COL4A5: variants seen among roughly 807,000 people sequenced by gnomAD.
COL4A5 encodes collagen alpha-5(IV) chain.
A neutral mutation model predicts 130.2 loss-of-function variants in COL4A5; 26 were observed. The observed-to-expected ratio is 0.20, with a 90% CI of 0.15 to 0.28. The LOEUF is 0.28. COL4A5 is among the 10% of genes least tolerant of loss of function. COL4A5 has a pLI of 1.00. For missense variants in COL4A5, 1,131 were observed against 1,344.3 expected, an observed-to-expected ratio of 0.84 and a Z score of 2.48; for synonymous variants, 496 against 439.6, an observed-to-expected ratio of 1.13 and a Z score of -1.60.
chrX:108,600,400 C>A (rs1489218410), intron 25 of COL4A5, among the ~76,000 whole-genome samples: 1 of 110,163 alleles, frequency 9.1e-6, no homozygotes, highest in Non-Finnish European at 1.9e-5. Flanking sequence ...TTTAGGAAAT[C>A]TTTTTTTTCT....
chrX:108,631,959 G>T (rs892572680), intron 36 of COL4A5, among the ~76,000 whole-genome samples: 36 of 110,465 alleles, frequency 3.3e-4, no homozygotes, highest in Non-Finnish European at 6.4e-4. Flanking sequence ...CTAGCAGAAG[G>T]CAGGAAATAA....
At chrX:108,472,861 T>C (rs931694573) in intron 1 of COL4A5, among the ~76,000 whole-genome samples, 1 of 112,083 alleles carries the variant, frequency 8.9e-6, no homozygotes, top group African/African-American at 3.2e-5. Flanking sequence ...TTTTCCAAAA[T>C]GGCTGTACTA....
At chrX:108,658,343 G>T (rs1255037450) in intron 37 of COL4A5, among the ~76,000 whole-genome samples, 1 of 110,890 alleles carries the variant, frequency 9.0e-6, no homozygotes, top group Non-Finnish European at 1.9e-5. Context: ...AGTATTGTTG[G>T]ACTGGATTTG....
At chrX:108,610,166 A>G (rs2066806501) in intron 29 of COL4A5, among the ~76,000 whole-genome samples, 1 of 109,993 alleles carries the variant, frequency 9.1e-6, no homozygotes, top group Admixed American at 9.8e-5. Context: ...CTTGATTTTG[A>G]GTTATCTAAT....
chrX:108,531,517 T>A (rs1374121932), intron 1 of COL4A5, among the ~76,000 whole-genome samples: 1 of 108,664 alleles, frequency 9.2e-6, no homozygotes, highest in Non-Finnish European at 1.9e-5. Flanking sequence ...AAATAAAAAT[T>A]TAACAATCTA....
At chrX:108,446,362 C>T (rs1014190093) in intron 1 of COL4A5, among the ~76,000 whole-genome samples, 2 of 111,837 alleles carry the variant, frequency 1.8e-5, no homozygotes, top group Non-Finnish European at 3.8e-5. Flanking sequence ...TTTAAAATGT[C>T]AAGATTTGTT....
At chrX:108,550,457 T>G (rs771375353) in intron 2 of COL4A5, among the ~76,000 whole-genome samples, 2 of 112,072 alleles carry the variant, frequency 1.8e-5, no homozygotes, top group Non-Finnish European at 3.8e-5. Context: ...AATAATTATC[T>G]TAATCGATAA....
intron 1 of COL4A5, among the ~76,000 whole-genome samples, chrX:108,526,974 G>A (rs1238650402): frequency 9.3e-6 from 1 of 107,943 alleles, no homozygotes; most frequent in Non-Finnish European, 1.9e-5. Flanking sequence ...CTCATCTTGT[G>A]TCCCAGGCTG....
Position 108,568,661 on chromosome X carries a change from A to T in COL4A5, c.309A>T (p.Thr103=). Residue 103 remains threonine (T), a synonymous_variant, in exon 5 of 53, where the codon ACA becomes ACT. Transcript: ENST00000328300. ...CTGGACTTCCTGGATTTCCAGGGAC[A>T]CCAGGTCTTCCTGTAAGTAGCATTT... is the stretch of plus-strand genomic sequence containing the variant. ...GPPGLPGFPG[T]PGLPGMPGHD... is the part of the protein sequence containing the mutation. 1 of 1,203,167 alleles carries T rather than the reference A, an allele frequency of 8.3e-7. No individual in the cohort carries two copies. Among genetic ancestry groups the T allele is most frequent in the Non-Finnish European group, 1.1e-6 (1 of 887,871 alleles).
At chrX:108,603,113 C>T (rs1394820048) in intron 28 of COL4A5, 52 bp downstream of exon 28, 1 of 804,772 alleles carries the variant, frequency 1.2e-6, no homozygotes, top group Non-Finnish European at 1.8e-6. Flanking sequence ...TTCCCACCTT[C>T]CTTATTTCTA....
At chrX:108,492,692 A>G (rs970235375) in intron 1 of COL4A5, among the ~76,000 whole-genome samples, 2 of 111,566 alleles carry the variant, frequency 1.8e-5, no homozygotes, top group Non-Finnish European at 3.8e-5. Context: ...GCTTTTATAG[A>G]GATGGATAGC....
chrX:108,543,971 T>C (rs1385587643), intron 2 of COL4A5, among the ~76,000 whole-genome samples: 2 of 112,195 alleles, frequency 1.8e-5, no homozygotes, highest in Non-Finnish European at 3.8e-5. Context: ...ATCCTGAGAC[T>C]TTGCTGAAGT....
intron 2 of COL4A5, among the ~76,000 whole-genome samples, chrX:108,556,020 A>C (rs764843276): frequency 8.9e-6 from 1 of 112,175 alleles, no homozygotes; most frequent in East Asian, 2.8e-4. Context: ...AAGAAGATAT[A>C]ATTGATTAAT....
intron 1 of COL4A5, among the ~76,000 whole-genome samples, chrX:108,500,656 C>T (rs1454387448): frequency 8.9e-6 from 1 of 111,742 alleles, no homozygotes; most frequent in Non-Finnish European, 1.9e-5. Flanking sequence ...TGCTCAAAGT[C>T]TCAAGAAATA....
rs1291725349 is a variant in COL4A5, at chrX:108,629,323, C to G, written c.3246+2974C>G. Among the ~76,000 whole-genome samples the G allele has an allele frequency of 3.6e-5, 4 of 111,635 alleles. No homozygotes were observed. In the East Asian group the frequency reaches 1.1e-3, roughly 31 times the overall value. On this transcript the variant is annotated intron_variant, in intron 36 of 52. Transcript: ENST00000328300. ...CATGATTGTACATTAATTTTAAGAA[C>G]TATCACAGCACCTGTTTTGGAAACA...
intron 2 of COL4A5, among the ~76,000 whole-genome samples, chrX:108,550,984 A>G (rs1242370128): frequency 8.9e-6 from 1 of 111,780 alleles, no homozygotes; most frequent in East Asian, 2.8e-4. Context: ...ACCATATACA[A>G]AAATTAACTC....
At chrX:108,630,966 G>A (rs949870218) in intron 36 of COL4A5, among the ~76,000 whole-genome samples, 2 of 111,785 alleles carry the variant, frequency 1.8e-5, no homozygotes, top group East Asian at 5.6e-4. Context: ...GATGGTTGTA[G>A]ATGTGTGGTG....
chrX:108,614,115 A>G (rs957990029), intron 29 of COL4A5, among the ~76,000 whole-genome samples: 1 of 112,155 alleles, frequency 8.9e-6, no homozygotes. Flanking sequence ...GATACACATA[A>G]CAACATGGGT....
At chrX:108,481,828 A>T (rs1011163273) in intron 1 of COL4A5, among the ~76,000 whole-genome samples, 1 of 111,194 alleles carries the variant, frequency 9.0e-6, no homozygotes, top group Non-Finnish European at 1.9e-5. Flanking sequence ...GCCCTCACAA[A>T]TCTATTTCAC....
Sources: allele counts gnomAD v4.1 joint callset (sites outside exome capture counted in the v4.1 genomes callset), GRCh38; gene constraint gnomAD v4.1.1; transcripts MANE v1.5; gene names NCBI Gene and HGNC (gene_info 2026-07-23, HGNC 2026-07-21).